MAML2: variants seen among roughly 807,000 people sequenced by gnomAD.
The protein encoded by MAML2 is mastermind like transcriptional coactivator 2, also known as mastermind-like protein 2.
In MAML2, 22 loss-of-function variants were observed where a neutral mutation model predicts 96.1. That is an observed-to-expected ratio of 0.23 (90% CI 0.16 to 0.33). The LOEUF is 0.33. MAML2 is among the 10% of genes least tolerant of loss of function. MAML2 has a pLI of 1.00. For missense variants in MAML2, 1,367 were observed against 1,392.4 expected, an observed-to-expected ratio of 0.98 and a Z score of 0.29; for synonymous variants, 561 against 521.3, an observed-to-expected ratio of 1.08 and a Z score of -1.04.
At chr11:96,243,322 G>T (rs1199659712) in intron 1 of MAML2, among the ~76,000 whole-genome samples, 3 of 152,110 alleles carry the variant, frequency 2.0e-5, no homozygotes, top group African/African-American at 7.2e-5. Flanking sequence ...GCAAGGAGGC[G>T]GGGGAGGCGG....
intron 1 of MAML2, among the ~76,000 whole-genome samples, chr11:96,331,573 G>A (rs1863854946): frequency 6.6e-6 from 1 of 151,722 alleles, no homozygotes; most frequent in African/African-American, 2.4e-5. Flanking sequence ...CAAGGTGAGT[G>A]GATCACTTGA....
intron 1 of MAML2, among the ~76,000 whole-genome samples, chr11:96,219,876 G>A (rs1453297441): frequency 2.0e-5 from 3 of 152,004 alleles, no homozygotes; most frequent in Non-Finnish European, 1.5e-5. Flanking sequence ...TGCCCACCTC[G>A]GCCTCCCAAA....
chr11:96,080,226 T>C (rs756176806), intron 2 of MAML2, among the ~76,000 whole-genome samples: 1 of 152,172 alleles, frequency 6.6e-6, no homozygotes, highest in Non-Finnish European at 1.5e-5. Context: ...TATAATAAGA[T>C]GTAATGGATA....
At position 96,155,509 on chromosome 11, in the gene MAML2, A is replaced by AATACATATATATATATATATAT. The variant is rs541216405; in HGVS notation, c.514-61993_514-61992insATATATATATATATATATGTAT. 1.5e-4 allele frequency among the ~76,000 whole-genome samples: 11 copies of AATACATATATATATATATATAT among 74,856 alleles called. 2 individuals are homozygous for AATACATATATATATATATATAT. Among genetic ancestry groups the AATACATATATATATATATATAT allele is most frequent in the South Asian group, 4.0e-4 (1 of 2,490 alleles). The allele number at this position is 74,856 out of a possible 152,430, so 49.1% of individuals were successfully genotyped here. ...ACCTCATGGGCGCTGTAACAATTCAAATATATATATATATATATATATATA... is the reference window on the plus strand; with the variant it reads ...ACCTCATGGGCGCTGTAACAATTCAAATACATATATATATATATATATATATATATATATATATATATATATA... On this transcript the variant is annotated intron_variant, in intron 1 of 4. Coordinates refer to ENST00000524717, the MANE Select transcript of MAML2 (RefSeq NM_032427.4).
Position 95,979,465 on chromosome 11 carries a change from C to T in MAML2, c.2954G>A (p.Arg985His), listed in dbSNP as rs367748029. Residue 985 changes from arginine to histidine, a missense_variant, in exon 5 of 5, where the codon CGC (arginine) becomes CAC (histidine). Arg to His is a conservative substitution (Grantham distance 29). Transcript: ENST00000524717. ...GGCTGCAGGTGTACCTGTGGGGAAG[C>T]GGACTCCTGCAGACGTCAGGGCTTC... Reference protein sequence around the residue: ...QQEALTSAGVRFPTGTPAAYT... With the variant: ...QQEALTSAGVHFPTGTPAAYT... 114 of 1,613,288 alleles carry T rather than the reference C, an allele frequency of 7.1e-5. No homozygotes were observed. Among genetic ancestry groups the T allele is most frequent in the East Asian group, 3.8e-4 (17 of 44,856 alleles).
chr11:96,293,142 G>C (rs533301975), intron 1 of MAML2, among the ~76,000 whole-genome samples: 11 of 152,164 alleles, frequency 7.2e-5, no homozygotes, highest in African/African-American at 2.6e-4. Flanking sequence ...GTGTCTCTTC[G>C]AAAGAATCAC....
intron 1 of MAML2, among the ~76,000 whole-genome samples, chr11:96,275,547 G>A (rs1862977907): frequency 6.6e-6 from 1 of 152,092 alleles, no homozygotes; most frequent in African/African-American, 2.4e-5. Context: ...GGGATTACAG[G>A]CATGAGCCAC....
intron 1 of MAML2, among the ~76,000 whole-genome samples, chr11:96,109,494 A>G (rs1456022725): frequency 6.6e-6 from 1 of 152,216 alleles, no homozygotes; most frequent in Non-Finnish European, 1.5e-5. Flanking sequence ...TGAAAGCTGG[A>G]CCTGGGCTAA....
intron 1 of MAML2, among the ~76,000 whole-genome samples, chr11:96,172,513 C>T (rs766571929): frequency 2.0e-5 from 3 of 152,142 alleles, no homozygotes; most frequent in Admixed American, 6.5e-5. Flanking sequence ...TCCTCTTACG[C>T]GAGAAGGAGG....
intron 1 of MAML2, among the ~76,000 whole-genome samples, chr11:96,185,264 G>C (rs1370131474): frequency 6.6e-6 from 1 of 151,972 alleles, no homozygotes; most frequent in African/African-American, 2.4e-5. Context: ...CAGGACTTTG[G>C]TGGAACTGCC....
At chr11:96,252,261 TAC>T (rs1419419824) in intron 1 of MAML2, among the ~76,000 whole-genome samples, 1 of 152,108 alleles carries the variant, frequency 6.6e-6, no homozygotes, top group Non-Finnish European at 1.5e-5. Context: ...GAAAATGTAC[TAC>T]ACATTTTGCT....
At chr11:96,325,092 C>T (rs949014668) in intron 1 of MAML2, among the ~76,000 whole-genome samples, 2 of 152,150 alleles carry the variant, frequency 1.3e-5, no homozygotes, top group Admixed American at 1.3e-4. Flanking sequence ...TCATTCCATT[C>T]ATGATTGCCA....
intron 1 of MAML2, among the ~76,000 whole-genome samples, chr11:96,137,536 G>T (rs1860654593): frequency 6.6e-6 from 1 of 152,218 alleles, no homozygotes; most frequent in African/African-American, 2.4e-5. Context: ...GAGCCAGAAA[G>T]AGTTTCCTCA....
chr11:96,087,266 T>A (rs919808367), intron 2 of MAML2, among the ~76,000 whole-genome samples: 11 of 152,232 alleles, frequency 7.2e-5, no homozygotes, highest in African/African-American at 2.7e-4. Context: ...GATTCTTCAA[T>A]ACTAATTATA....
rs548661733 is a variant in MAML2, at chr11:96,224,527, A to G, written c.513+116856T>C. On this transcript the variant is annotated intron_variant, in intron 1 of 4. Transcript: ENST00000524717. ...TCAAGTTCTTCCAAGATGTCTTCTC[A>G]TCTTTCAATGTTAATTAACTTTCTT... Among the ~76,000 whole-genome samples the G allele has an allele frequency of 3.9e-5, 6 of 152,340 alleles. No homozygotes were observed. The South Asian group carries it at 1.2e-3, about 32-fold the overall frequency.
intron 2 of MAML2, among the ~76,000 whole-genome samples, chr11:96,070,901 G>T (rs1247214766): frequency 2.0e-5 from 3 of 152,260 alleles, no homozygotes; most frequent in Admixed American, 6.5e-5. Flanking sequence ...AATCTCATGG[G>T]TACTAACTAC....
At chr11:96,261,146 A>G (rs1237095863) in intron 1 of MAML2, among the ~76,000 whole-genome samples, 2 of 152,114 alleles carry the variant, frequency 1.3e-5, no homozygotes, top group Non-Finnish European at 2.9e-5. Flanking sequence ...CTGTCCTCAT[A>G]AATGGATTAA....
intron 2 of MAML2, among the ~76,000 whole-genome samples, chr11:96,002,764 T>G (rs1294140829): frequency 6.0e-5 from 8 of 133,586 alleles, no homozygotes; most frequent in Non-Finnish European, 9.5e-5. Flanking sequence ...AGGAGGATGA[T>G]GAGGATGATG....
intron 1 of MAML2, among the ~76,000 whole-genome samples, chr11:96,166,502 AAG>A (rs1861197778): frequency 6.6e-6 from 1 of 152,178 alleles, no homozygotes; most frequent in African/African-American, 2.4e-5. Context: ...TGGAAGTTAG[AAG>A]AAAGAGGACC....
Sources: allele counts gnomAD v4.1 joint callset (sites outside exome capture counted in the v4.1 genomes callset), GRCh38; gene constraint gnomAD v4.1.1; transcripts MANE v1.5; gene names NCBI Gene and HGNC (gene_info 2026-07-23, HGNC 2026-07-21).